HHLA2: variants seen among roughly 807,000 people sequenced by gnomAD.
The protein encoded by HHLA2 is HERV-H LTR-associating protein 2.
In HHLA2, 48 loss-of-function variants were observed where a neutral mutation model predicts 45.9. The ratio of observed to expected loss-of-function variants is 1.05; its 90% CI spans 0.83 to 1.33. HHLA2 has a LOEUF of 1.33. HHLA2 is among the 40% of genes most tolerant of loss of function. The probability of loss-of-function intolerance (pLI) is 0.00; values close to 1 mark genes in which losing one functional copy is unlikely to be tolerated. For synonymous variants in HHLA2, 161 were observed against 173.9 expected, an observed-to-expected ratio of 0.93 and a Z score of 0.59; for missense variants, 462 against 494.3, an observed-to-expected ratio of 0.93 and a Z score of 0.62.
chr3:108,338,700 C>T (rs2081515393), intron 3 of HHLA2, among the ~76,000 whole-genome samples: 1 of 152,136 alleles, frequency 6.6e-6, no homozygotes, highest in African/African-American at 2.4e-5. Context: ...TCACATGTCC[C>T]CCTCCCACCT....
Position 108,355,213 on chromosome 3 carries a change from A to T in HHLA2, c.517A>T (p.Lys173Ter). The T allele has an allele frequency of 6.2e-7, 1 of 1,613,886 alleles. No individual in the cohort carries two copies. The highest frequency in any genetic ancestry group is 8.5e-7 in the Non-Finnish European group (1 of 1,179,832). The change falls in exon 6 of 11, where the codon AAA (lysine) becomes TAA (stop). Residue 173 changes from lysine to a stop codon, truncating the protein, a stop_gained. Coordinates refer to ENST00000619531, the Ensembl canonical transcript of HHLA2. LOFTEE classifies it high-confidence loss of function. ...TTATCCTCGTCCAATTATCACGTGG[A>T]AAATGGACAACACACCTATCTCTGA...
intron 7 of HHLA2, among the ~76,000 whole-genome samples, 188 bp downstream of exon 6, chr3:108,358,349 GA>G (rs960564319): frequency 3.3e-5 from 5 of 149,870 alleles, no homozygotes; most frequent in South Asian, 2.1e-4. Flanking sequence ...GTCCTGTTTT[GA>G]AAAAAAAAAT....
At chr3:108,327,454 C>A (rs1285841438) in intron 2 of HHLA2, among the ~76,000 whole-genome samples, 2 of 152,194 alleles carry the variant, frequency 1.3e-5, no homozygotes, top group African/African-American at 4.8e-5. Flanking sequence ...TGCTTTCTCA[C>A]TGTGTCCTCT....
intron 2 of HHLA2, among the ~76,000 whole-genome samples, chr3:108,316,779 C>T (rs1398601115): frequency 1.3e-5 from 2 of 152,034 alleles, no homozygotes; most frequent in Admixed American, 6.6e-5. Context: ...CGCTTTAGGC[C>T]CTATTTTTTT....
At chr3:108,370,704 A>C (rs1253933484) in intron 8 of HHLA2, among the ~76,000 whole-genome samples, 3 of 152,252 alleles carry the variant, frequency 2.0e-5, no homozygotes, top group Non-Finnish European at 2.9e-5. Context: ...AGCTGATTCG[A>C]TCAACTGGAA....
chr3:108,348,701 A>G (rs140593171), intron 3 of HHLA2, among the ~76,000 whole-genome samples: 54 of 151,852 alleles, frequency 3.6e-4, no homozygotes. Context: ...CAGAACATGC[A>G]GTTTTGTTAC....
chr3:108,329,097 C>T (rs1003124579), intron 3 of HHLA2, among the ~76,000 whole-genome samples: 6 of 152,138 alleles, frequency 3.9e-5, no homozygotes, highest in Admixed American at 2.6e-4. Context: ...AAAAGCCACA[C>T]ACTATAGAGG....
At chr3:108,327,168 T>C (rs2081303004) in intron 2 of HHLA2, among the ~76,000 whole-genome samples, 1 of 152,196 alleles carries the variant, frequency 6.6e-6, no homozygotes, top group Non-Finnish European at 1.5e-5. Flanking sequence ...CATCTTTGGC[T>C]TCTATTACCT....
rs370455187 is a variant in HHLA2, at chr3:108,360,356, A to G, written c.1004-1986A>G. On this transcript the variant is annotated intron_variant, in intron 7 of 10. Transcript: ENST00000619531. ...AAATTTTCTTCTTTCTTTCTTCACA[A>G]TTTTACAGATAGAAGATTCATTTTC... Among the ~76,000 whole-genome samples the G allele has an allele frequency of 4.2e-4, 64 of 152,198 alleles. 1 individual carries two copies. Among genetic ancestry groups the G allele is most frequent in the African/African-American group, 1.4e-3 (60 of 41,520 alleles).
At chr3:108,329,562 C>A (rs1484002477) in intron 3 of HHLA2, among the ~76,000 whole-genome samples, 1 of 152,106 alleles carries the variant, frequency 6.6e-6, no homozygotes, top group East Asian at 1.9e-4. Flanking sequence ...AGATTCTGAA[C>A]TTAAAGGGGA....
At chr3:108,341,300 A>G (rs572991094) in intron 3 of HHLA2, among the ~76,000 whole-genome samples, 1 of 152,252 alleles carries the variant, frequency 6.6e-6, no homozygotes, top group Admixed American at 6.5e-5. Flanking sequence ...TTGCAAGATA[A>G]TGCTTCAGTT....
At chr3:108,305,320 G>A (rs1313896643) in intron 1 of HHLA2, among the ~76,000 whole-genome samples, 1 of 152,138 alleles carries the variant, frequency 6.6e-6, no homozygotes, top group East Asian at 1.9e-4. Context: ...TACCATGCTG[G>A]CTACTGCTTC....
At chr3:108,373,868 A>T (rs1467241694) in intron 8 of HHLA2, among the ~76,000 whole-genome samples, 2 of 151,708 alleles carry the variant, frequency 1.3e-5, no homozygotes, top group South Asian at 2.1e-4. Context: ...GCTCATGGGT[A>T]GGAAGAATCA....
chr3:108,376,474 CTCT>C lies in HHLA2; in HGVS notation c.1160-17_1160-15del, dbSNP rs762821323. The C allele has an allele frequency of 4.8e-5, 77 of 1,590,636 alleles. No individual in the cohort carries two copies. In the African/African-American group the frequency reaches 9.9e-4, roughly 20 times the overall value. ...TTTGCAAAGAAATTATTTTTAAGTT[CTCT>C]TTTTTTTTCCTGTAGAAAGATGTTG... On this transcript the variant is annotated splice_polypyrimidine_tract_variant and intron_variant, in intron 9 of 10. Coordinates refer to ENST00000619531, the Ensembl canonical transcript of HHLA2.
intron 3 of HHLA2, among the ~76,000 whole-genome samples, chr3:108,342,204 C>T (rs182082089): frequency 1.3e-5 from 2 of 149,420 alleles, no homozygotes; most frequent in Admixed American, 1.3e-4. Flanking sequence ...TAATGGTATT[C>T]TATTACATTT....
intron 2 of HHLA2, among the ~76,000 whole-genome samples, chr3:108,321,730 T>G (rs940171915): frequency 1.3e-5 from 2 of 152,136 alleles, no homozygotes; most frequent in Non-Finnish European, 2.9e-5. Flanking sequence ...ACTTTTGTTT[T>G]CTACCCTGTT....
intron 1 of HHLA2, among the ~76,000 whole-genome samples, chr3:108,307,243 C>T (rs1297308772): frequency 1.3e-5 from 2 of 151,940 alleles, no homozygotes; most frequent in Non-Finnish European, 2.9e-5. Context: ...TGTATTCTAC[C>T]TCTTTGTATA....
At chr3:108,305,436 G>A (rs113490980) in intron 1 of HHLA2, among the ~76,000 whole-genome samples, 5 of 152,296 alleles carry the variant, frequency 3.3e-5, no homozygotes, top group African/African-American at 9.6e-5. Context: ...AGTCCTCCAC[G>A]GGAGGAAAGA....
intron 4 of HHLA2, 62 bp downstream of exon 3, chr3:108,351,939 C>A: frequency 8.7e-7 from 1 of 1,145,578 alleles, no homozygotes; most frequent in Non-Finnish European, 1.3e-6. Flanking sequence ...CATGAGCACA[C>A]AATGCAAGGT....
Sources: gnomAD v4.1 joint callset for allele counts (sites outside exome capture counted in the v4.1 genomes callset) on GRCh38, gnomAD v4.1.1 for gene constraint, MANE v1.5 for transcripts, NCBI Gene and HGNC (gene_info 2026-07-23, HGNC 2026-07-21) for gene names.